Variants in COL13A1 observed in about 807,000 individuals in gnomAD.
The protein encoded by COL13A1 is collagen type XIII alpha 1 chain, also known as collagen alpha-1(XIII) chain.
A neutral mutation model predicts 130.9 loss-of-function variants in COL13A1; 89 were observed. That is an observed-to-expected ratio of 0.68 (90% confidence interval 0.57 to 0.81). The LOEUF is 0.81. COL13A1 is among the 30% of genes least tolerant of loss of function. The pLI, the probability that COL13A1 is intolerant of heterozygous loss-of-function variation, is 0.00. For missense variants in COL13A1, 879 were observed against 934.6 expected (o/e 0.94, Z 0.78); for synonymous variants, 402 against 341.6 (o/e 1.18, Z -1.95).
intron 1 of COL13A1, among the ~76,000 whole-genome samples, chr10:69,803,975 G>T (rs1267187207): frequency 6.6e-6 from 1 of 152,206 alleles, no homozygotes. Context: ...GGTGGCCAAG[G>T]AGGAGATTGC....
At chr10:69,857,054 G>A (rs915992236) in intron 2 of COL13A1, among the ~76,000 whole-genome samples, 7 of 152,240 alleles carry the variant, frequency 4.6e-5, no homozygotes, top group South Asian at 4.2e-4. Flanking sequence ...CCTCTGACCC[G>A]TGCTGGAGGC....
Position 69,927,100 on chromosome 10 carries a change from T to C in COL13A1, c.1412T>C (p.Leu471Pro), listed in dbSNP as rs1348833012. The change falls in exon 27 of 41, where the codon CTG (leucine) becomes CCG (proline). Residue 471 changes from leucine (L) to proline (P), a missense_variant. Leu to Pro is a moderately conservative substitution (Grantham distance 98). Coordinates refer to ENST00000645393, the MANE Select transcript of COL13A1 (RefSeq NM_001368882.1). ...TTGGTTTTTTAGGAGATCCGGACGC[T>C]GGCCTTGATGGTAAGTTTTGCTCCT... ...INEALQEIRT[L>P]ALMGPPGLPG... 2 of 1,613,856 alleles carry C rather than the reference T, an allele frequency of 1.2e-6. No homozygotes were observed. The highest frequency in any genetic ancestry group is 1.1e-5 in the South Asian group (1 of 91,086).
intron 7 of COL13A1, among the ~76,000 whole-genome samples, chr10:69,881,997 G>T (rs960434971): frequency 2.0e-5 from 3 of 152,174 alleles, no homozygotes; most frequent in Non-Finnish European, 4.4e-5. Context: ...TGTCACTGTC[G>T]CATGTGCTCC....
At chr10:69,829,395 AC>A (rs1254957652) in intron 2 of COL13A1, 21 of 436,660 alleles carry the variant, frequency 4.8e-5, no homozygotes, top group Non-Finnish European at 6.4e-5. Flanking sequence ...ACCTGCTCTG[AC>A]CCCCCTCGCC....
intron 4 of COL13A1, among the ~76,000 whole-genome samples, chr10:69,873,810 T>G (rs1386621044): frequency 2.0e-5 from 3 of 152,188 alleles, no homozygotes; most frequent in African/African-American, 7.2e-5. Flanking sequence ...TCAAAAAGAC[T>G]GTGGATGTGA....
At position 69,820,269 on chromosome 10, in the gene COL13A1, G is replaced by T. The variant is rs561350256; in HGVS notation, c.295-2100G>T. On this transcript the variant is annotated intron_variant, in intron 1 of 40. Coordinates refer to ENST00000645393, the MANE Select transcript of COL13A1 (RefSeq NM_001368882.1). ...TGTGCCCCATGAGGATGGAGCAGGG[G>T]CACCACCCACTCATGCCACAAATTC... 4.9e-4 allele frequency among the ~76,000 whole-genome samples: 75 copies of T among 152,308 alleles called. 1 individual carries two copies. Among genetic ancestry groups the T allele is most frequent in the Non-Finnish European group, 8.1e-4 (55 of 68,026 alleles).
intron 2 of COL13A1, among the ~76,000 whole-genome samples, chr10:69,835,964 C>T (rs1030330850): frequency 6.6e-6 from 1 of 152,234 alleles, no homozygotes; most frequent in African/African-American, 2.4e-5. Context: ...CCATAGAAGA[C>T]TGGGGCCCAA....
At chr10:69,955,116 A>C (rs193089720) in intron 39 of COL13A1, 4 of 152,338 alleles carry the variant, frequency 2.6e-5, no homozygotes, top group African/African-American at 9.6e-5. Flanking sequence ...CCCTGGGGTC[A>C]CACAGGAATT....
At chr10:69,843,786 T>C (rs894787997) in intron 2 of COL13A1, among the ~76,000 whole-genome samples, 12 of 152,320 alleles carry the variant, frequency 7.9e-5, no homozygotes, top group African/African-American at 2.9e-4. Flanking sequence ...TCCATTTGCT[T>C]CTGTGTACAT....
rs2064993741 is a variant in COL13A1 at position 69,923,807 on chromosome 10, A to C, written c.1236A>C (p.Glu412Asp). 1.2e-6 allele frequency: 2 copies of C among 1,610,792 alleles called. No individual in the cohort carries two copies. Among genetic ancestry groups the C allele is most frequent in the Non-Finnish European group, 1.7e-6 (2 of 1,178,860 alleles). Residue 412 changes from glutamate to aspartate, a missense_variant, in exon 24 of 41, where the codon GAA (glutamate) becomes GAC (aspartate). Physicochemically the swap from Glu to Asp is conservative, Grantham distance 45. This residue lies in a region of COL13A1 where 715 missense variants were observed against 721.0 expected (regional missense o/e 0.99). Transcript: ENST00000645393. ...GLPGPPGPKGEAGVDGQVGPP... is the reference protein window; with the variant it reads ...GLPGPPGPKGDAGVDGQVGPP... Reference sequence around the variant, plus strand: ...AACTCTCTCCTCTTCCCCAGGGAGAAGCAGGTGTCGATGGCCAGGTTGGCC... The same window carrying C: ...AACTCTCTCCTCTTCCCCAGGGAGACGCAGGTGTCGATGGCCAGGTTGGCC...
chr10:69,816,322 G>A (rs1201674442), intron 1 of COL13A1, among the ~76,000 whole-genome samples: 4 of 150,930 alleles, frequency 2.7e-5, no homozygotes, highest in Non-Finnish European at 5.9e-5. Flanking sequence ...TGAGCAACTG[G>A]TGGGATGGGG....
At chr10:69,827,645 G>A (rs966770300) in intron 2 of COL13A1, among the ~76,000 whole-genome samples, 1 of 152,196 alleles carries the variant, frequency 6.6e-6, no homozygotes, top group African/African-American at 2.4e-5. Context: ...CCTACGAATA[G>A]GGCTTTATTT....
In COL13A1 at chr10:69,944,247, G is replaced by A. The variant is rs2068103310; in HGVS notation, c.1968+69G>A. On this transcript the variant is annotated intron_variant, in intron 36 of 40. Transcript: ENST00000645393. ...GGCATGCCTGGGACCCAACACCAGG[G>A]GTCTCAGCCCTCATGCCTTCCTTCT... 2.3e-6 allele frequency: 3 copies of A among 1,320,942 alleles called. No homozygotes were observed. The Admixed American group carries it at 5.1e-5, about 22-fold the overall frequency. 81.8% of individuals were successfully genotyped at this position (1,320,942 alleles called of 1,614,324 possible).
chr10:69,859,684 G>A (rs917172913), intron 2 of COL13A1, among the ~76,000 whole-genome samples: 3 of 152,116 alleles, frequency 2.0e-5, no homozygotes, highest in African/African-American at 7.2e-5. Context: ...GGGGCTGGAG[G>A]TCAAGGGTCT....
At chr10:69,858,209 T>A (rs112970732) in intron 2 of COL13A1, among the ~76,000 whole-genome samples, 4,552 of 152,114 alleles carry the variant, frequency 0.03, 99 homozygotes, top group Non-Finnish European at 0.044. Context: ...CAGTATCATA[T>A]GCTTCTGGGA....
In COL13A1 at chr10:69,923,952, A is replaced by G. The variant is rs1440688412; in HGVS notation, c.1284+97A>G. On this transcript the variant is annotated intron_variant, in intron 24 of 40. Coordinates refer to ENST00000645393, the MANE Select transcript of COL13A1 (RefSeq NM_001368882.1). ...ACCCTAGGGGTATCCCTCAGGGCAC[A>G]AGGCTGACCGGCCATGACCACTGGC... 2.0e-6 allele frequency: 3 copies of G among 1,487,216 alleles called. No individual in the cohort carries two copies. In the Admixed American group the frequency reaches 6.0e-5, roughly 30 times the overall value. The allele number at this position is 1,487,216 out of a possible 1,614,324, so 92.1% of individuals were successfully genotyped here.
chr10:69,838,292 C>T (rs1454742497), intron 2 of COL13A1, among the ~76,000 whole-genome samples: 1 of 152,224 alleles, frequency 6.6e-6, no homozygotes, highest in Non-Finnish European at 1.5e-5. Context: ...CTTCTAGGGT[C>T]ACCCAGCCAA....
At chr10:69,954,842 A>C (rs935828462) in intron 39 of COL13A1, 3 of 152,298 alleles carry the variant, frequency 2.0e-5, no homozygotes, top group Non-Finnish European at 2.9e-5. Flanking sequence ...GTTAAGGAGG[A>C]GGCAGGGAGA....
chr10:69,936,965 T>A (rs1224560710), intron 33 of COL13A1, among the ~76,000 whole-genome samples, 183 bp downstream of exon 33: 1 of 152,210 alleles, frequency 6.6e-6, no homozygotes, highest in Non-Finnish European at 1.5e-5. Flanking sequence ...CCTGGTGTGC[T>A]TTGGCTTCAG....
Sources: allele counts gnomAD v4.1 joint callset (sites outside exome capture counted in the v4.1 genomes callset), GRCh38; gene constraint gnomAD v4.1.1; regional missense constraint gnomAD v4.1.1; transcripts MANE v1.5; gene names NCBI Gene and HGNC (gene_info 2026-07-23, HGNC 2026-07-21).